The following MTIF2 variants were observed in gnomAD, a reference collection of about 807,000 sequenced individuals.
The protein encoded by MTIF2 is translation initiation factor IF-2, mitochondrial.
In MTIF2, 71 loss-of-function variants were observed where a neutral mutation model predicts 83.5. The observed-to-expected ratio is 0.85, with a 90% confidence interval of 0.70 to 1.04. The LOEUF (loss-of-function observed/expected upper bound fraction) is 1.04. MTIF2 is among the 50% of genes least tolerant of loss of function. The pLI is 0.00. For synonymous variants in MTIF2, 319 were observed against 287.1 expected (o/e 1.11, Z -1.12); for missense variants, 957 against 846.5 (o/e 1.13, Z -1.62).
chr2:55,256,147 T>A (rs1260916550), intron 5 of MTIF2, among the ~76,000 whole-genome samples: 1 of 152,100 alleles, frequency 6.6e-6, no homozygotes, highest in Non-Finnish European at 1.5e-5. Flanking sequence ...AGTGCTGGGA[T>A]CACAGGCATG....
chr2:55,243,389 T>G, intron 12 of MTIF2, 27 bp downstream of exon 12: 1 of 1,551,670 alleles, frequency 6.4e-7, no homozygotes. Flanking sequence ...AAGAATGAAC[T>G]GTAATGTAAA....
In MTIF2 at chr2:55,243,742, C is replaced by T. The variant is rs1676493856; in HGVS notation, c.1312-74G>A. 7.5e-6 allele frequency: 11 copies of T among 1,466,860 alleles called. No individual in the cohort carries two copies. The South Asian group carries it at 1.5e-4, about 20-fold the overall frequency. 90.9% of individuals were successfully genotyped at this position (1,466,860 alleles called of 1,614,324 possible). A position where few individuals can be genotyped will look rare whatever the true frequency, so the allele number is the denominator to read the frequency against. ...GCTAGATTAAAGCCTTTGTGTTGTC[C>T]TGCATTAGGAAATTAGCTTAACTCA... On this transcript the variant is annotated intron_variant, in intron 11 of 15. Coordinates refer to ENST00000263629, the MANE Select transcript of MTIF2 (RefSeq NM_002453.3).
intron 7 of MTIF2, among the ~76,000 whole-genome samples, chr2:55,253,664 A>G (rs1444345843): frequency 6.6e-6 from 1 of 151,156 alleles, no homozygotes. Flanking sequence ...AAAATACAAA[A>G]ATTAGCCAGG....
intron 5 of MTIF2, among the ~76,000 whole-genome samples, chr2:55,259,052 A>G (rs956174272): frequency 2.6e-5 from 4 of 152,142 alleles, no homozygotes; most frequent in Non-Finnish European, 5.9e-5. Context: ...TTTCCAATAC[A>G]TTATACTGAA....
intron 14 of MTIF2, 77 bp from the exon 15 acceptor site, chr2:55,237,505 A>G: frequency 7.0e-7 from 1 of 1,421,870 alleles, no homozygotes; most frequent in Non-Finnish European, 9.3e-7. Flanking sequence ...ATTCTGTGGT[A>G]TAAGAATTAA....
At chr2:55,245,000 T>C (rs1450114329) in intron 10 of MTIF2, among the ~76,000 whole-genome samples, 5 of 150,684 alleles carry the variant, frequency 3.3e-5, no homozygotes, top group African/African-American at 7.3e-5. Flanking sequence ...TGAGCCGAGA[T>C]CACACCACTG....
chr2:55,266,763 CTTTTTT>C (rs1216777992), intron 3 of MTIF2, among the ~76,000 whole-genome samples: 2 of 86,306 alleles, frequency 2.3e-5, no homozygotes, highest in Admixed American at 1.4e-4. Flanking sequence ...ACATTTCATT[CTTTTTT>C]TTTTTTTTTT....
chr2:55,260,873 A>T (rs1160043675), intron 5 of MTIF2, among the ~76,000 whole-genome samples: 1 of 152,236 alleles, frequency 6.6e-6, no homozygotes, highest in Admixed American at 6.5e-5. Flanking sequence ...TTTTGTTTCA[A>T]AAATCCTAAA....
chr2:55,254,786 A>G lies in MTIF2; in HGVS notation c.371T>C (p.Ile124Thr). Reference sequence around the variant, plus strand: ...ATGTGAGTCTGCTTCCAGTGAATCTATGTCAATATCAGTGTTCAATAAAGC... The same window carrying G: ...ATGTGAGTCTGCTTCCAGTGAATCTGTGTCAATATCAGTGTTCAATAAAGC... ...YEALLNTDID[I>T]DSLEADSHLD... The change falls in exon 6 of 16, where the codon ATA (isoleucine) becomes ACA (threonine). Residue 124 changes from isoleucine to threonine, a missense_variant. Physicochemically the swap from Ile to Thr is moderately conservative, Grantham distance 89. Around this residue, in one of 3 missense-constraint regions of MTIF2, gnomAD observed 733 missense variants for 648.7 expected, o/e 1.13. Transcript: ENST00000263629. The G allele has an allele frequency of 6.2e-7, 1 of 1,608,348 alleles. No individual in the cohort carries two copies. The highest frequency in any genetic ancestry group is 8.5e-7 in the Non-Finnish European group (1 of 1,177,708).
chr2:55,263,104 G>A (rs1225910473), intron 4 of MTIF2, among the ~76,000 whole-genome samples: 1 of 152,042 alleles, frequency 6.6e-6, no homozygotes, highest in Non-Finnish European at 1.5e-5. Context: ...CTTGTGATCT[G>A]CCCACCTTGG....
chr2:55,254,736 C>T lies in MTIF2; in HGVS notation c.421G>A (p.Val141Met). 6.2e-7 allele frequency: 1 copy of T among 1,611,232 alleles called. No homozygotes were observed. The highest frequency in any genetic ancestry group is 1.7e-5 in the Admixed American group (1 of 59,510). The part of the protein sequence containing the change: ...SHLDEVWIKE[V>M]ITKAGMKLKW... ...AACTTCATCCCTGCCTTCGTTATCA[C>T]TTCTTTGATCCAGACTTCATCTAAA... The change falls in exon 6 of 16, where the codon GTG becomes ATG. Residue 141 changes from valine (V) to methionine (M), a missense_variant. Transcript: ENST00000263629.
Position 55,236,746 on chromosome 2 carries a change from A to C in MTIF2, c.2086T>G (p.Leu696Val), listed in dbSNP as rs1027221468. The C allele has an allele frequency of 6.2e-7, 1 of 1,612,238 alleles. No individual in the cohort carries two copies. The change falls in exon 16 of 16, where the codon TTA (leucine) becomes GTA (valine). Residue 696 changes from leucine (L) to valine (V), a missense_variant. By Grantham distance (32) the Leu-to-Val change is conservative (BLOSUM62 1). This residue lies in a region of MTIF2 where 221 missense variants were observed against 180.6 expected (regional missense o/e 1.22). Transcript: ENST00000263629. ...TGAAATTCCATATTGTCTTCATCTA[A>C]ACTGAGACCACAATCCATTCCCGTT... Reference protein sequence around the residue: ...VKTGMDCGLSLDEDNMEFQVG... With the variant: ...VKTGMDCGLSVDEDNMEFQVG...
In MTIF2 at chr2:55,263,735, G is replaced by A. The variant is rs779680121; in HGVS notation, c.124C>T (p.Pro42Ser). 5 of 1,614,024 alleles carry A rather than the reference G, an allele frequency of 3.1e-6. No homozygotes were observed. The African/African-American group carries it at 6.7e-5, about 22-fold the overall frequency. ...QWRHGFSSAYPVWTAQLCAWP... is the reference protein window; with the variant it reads ...QWRHGFSSAYSVWTAQLCAWP... ...GCACACAGTTGAGCTGTCCACACAGGGTAAGCAGATGAAAACCCATGCCTC... is the reference window on the plus strand; with the variant it reads ...GCACACAGTTGAGCTGTCCACACAGAGTAAGCAGATGAAAACCCATGCCTC... Residue 42 changes from proline to serine, a missense_variant, in exon 4 of 16, where the codon CCT becomes TCT. Around this residue, in one of 3 missense-constraint regions of MTIF2, gnomAD observed 733 missense variants for 648.7 expected, o/e 1.13. Coordinates refer to ENST00000263629, the MANE Select transcript of MTIF2 (RefSeq NM_002453.3).
intron 4 of MTIF2, 40 bp downstream of exon 4, chr2:55,263,600 A>T (rs200009872): frequency 5.2e-5 from 77 of 1,484,026 alleles, no homozygotes; most frequent in Non-Finnish European, 6.6e-5. Flanking sequence ...ACAGGGTGAG[A>T]CTCCATCTCA....
intron 9 of MTIF2, among the ~76,000 whole-genome samples, chr2:55,248,257 G>A (rs190094112): frequency 1.5e-3 from 228 of 152,304 alleles, no homozygotes; most frequent in Non-Finnish European, 2.9e-3. Context: ...TTGAGGGATA[G>A]TGCAGAAGAT....
At chr2:55,255,240 A>C (rs1172928160) in intron 5 of MTIF2, among the ~76,000 whole-genome samples, 1 of 151,354 alleles carries the variant, frequency 6.6e-6, no homozygotes, top group Non-Finnish European at 1.5e-5. Context: ...AAAGTCACCA[A>C]AACTATTGAA....
chr2:55,261,268 G>T (rs1026290169), intron 5 of MTIF2, among the ~76,000 whole-genome samples: 1 of 152,158 alleles, frequency 6.6e-6, no homozygotes. Flanking sequence ...ACCGTGCCTG[G>T]CTACTACCAG....
At chr2:55,249,258 CT>C (rs1676919462) in intron 9 of MTIF2, 136 bp downstream of exon 9, 5 of 1,109,706 alleles carry the variant, frequency 4.5e-6, no homozygotes, top group Non-Finnish European at 3.8e-6. Context: ...ATAATACCAT[CT>C]TTGCCTGGCA....
chr2:55,236,919 C>G, intron 15 of MTIF2, 99 bp from the exon 16 acceptor site: 3 of 1,003,968 alleles, frequency 3.0e-6, no homozygotes, highest in Admixed American at 3.7e-5. Flanking sequence ...CACTGAAATT[C>G]TTAAAAATTT....
Sources: allele counts gnomAD v4.1 joint callset (sites outside exome capture counted in the v4.1 genomes callset), GRCh38; gene constraint gnomAD v4.1.1; regional missense constraint gnomAD v4.1.1; transcripts MANE v1.5; gene names NCBI Gene and HGNC (gene_info 2026-07-23, HGNC 2026-07-21).